The following SPATA16 variants were observed in gnomAD, a reference collection of about 807,000 sequenced individuals.
The protein encoded by SPATA16 is spermatogenesis-associated protein 16.
SPATA16 carries 36 observed loss-of-function variants against 63.3 expected under a neutral mutation model. The ratio of observed to expected loss-of-function variants is 0.57; its 90% CI spans 0.44 to 0.75. The LOEUF (loss-of-function observed/expected upper bound fraction) is 0.75. Ranked by LOEUF, SPATA16 falls within the 30% of genes least tolerant of loss-of-function variation. SPATA16 has a pLI of 0.00. For synonymous variants in SPATA16, 203 were observed against 216.7 expected (o/e 0.94, Z 0.56); for missense variants, 646 against 679.3 (o/e 0.95, Z 0.54).
At chr3:172,994,779 C>T (rs891808739) in intron 4 of SPATA16, among the ~76,000 whole-genome samples, 1 of 152,094 alleles carries the variant, frequency 6.6e-6, no homozygotes, top group East Asian at 1.9e-4. Flanking sequence ...ATATATTCCA[C>T]ATTAGTAAAT....
intron 3 of SPATA16, among the ~76,000 whole-genome samples, chr3:173,042,987 T>G (rs776413754): frequency 2.6e-5 from 4 of 152,104 alleles, no homozygotes; most frequent in Non-Finnish European, 5.9e-5. Context: ...ACAGCAAAAT[T>G]AAGCATTAAA....
At chr3:173,066,331 T>C (rs1244156245) in intron 2 of SPATA16, among the ~76,000 whole-genome samples, 1 of 152,188 alleles carries the variant, frequency 6.6e-6, no homozygotes, top group Non-Finnish European at 1.5e-5. Flanking sequence ...CAGTAGTGGT[T>C]GCAGGCCTTG....
Position 173,087,042 on chromosome 3 carries a change from G to A in SPATA16, c.612+30078C>T, listed in dbSNP as rs954205355. On this transcript the variant is annotated intron_variant, in intron 2 of 10. Transcript: ENST00000351008. ...GGAGATTTCTGTAGCTATCTGCCAGGTCCCCTTTATCCAGAGCTGAGTTCA... is the reference window on the plus strand; with the variant it reads ...GGAGATTTCTGTAGCTATCTGCCAGATCCCCTTTATCCAGAGCTGAGTTCA... Among the ~76,000 whole-genome samples the A allele has an allele frequency of 2.0e-5, 3 of 152,046 alleles. No individual in the cohort carries two copies. In the South Asian group the frequency reaches 6.2e-4, roughly 32 times the overall value.
At chr3:172,899,067 G>T (rs939283786) in intron 10 of SPATA16, among the ~76,000 whole-genome samples, 4 of 151,848 alleles carry the variant, frequency 2.6e-5, no homozygotes, top group Non-Finnish European at 5.9e-5. Flanking sequence ...TTAGAAATTT[G>T]TTTAAGTTTG....
intron 2 of SPATA16, among the ~76,000 whole-genome samples, chr3:173,060,965 A>T (rs1415801776): frequency 6.6e-6 from 1 of 152,164 alleles, no homozygotes; most frequent in Non-Finnish European, 1.5e-5. Context: ...ATCCAAGCCA[A>T]ATGATTGCTA....
chr3:173,090,328 G>A (rs1737192817), intron 2 of SPATA16, among the ~76,000 whole-genome samples: 1 of 152,068 alleles, frequency 6.6e-6, no homozygotes, highest in African/African-American at 2.4e-5. Flanking sequence ...ATAATTGTAA[G>A]CTTCCAGAGG....
intron 4 of SPATA16, among the ~76,000 whole-genome samples, chr3:172,978,279 C>G (rs916671318): frequency 5.9e-5 from 9 of 151,938 alleles, no homozygotes; most frequent in African/African-American, 1.9e-4. Flanking sequence ...TTTCAAAGCT[C>G]TTAATGATAA....
chr3:173,013,603 T>C (rs1182828617), intron 4 of SPATA16, among the ~76,000 whole-genome samples: 1 of 152,186 alleles, frequency 6.6e-6, no homozygotes, highest in Non-Finnish European at 1.5e-5. Flanking sequence ...TTAATCAAAT[T>C]GTAACAGGTT....
At chr3:172,976,887 A>G (rs1374586111) in intron 5 of SPATA16, 81 bp downstream of exon 5, 1 of 1,109,912 alleles carries the variant, frequency 9.0e-7, no homozygotes, top group East Asian at 2.4e-5. Context: ...CTTTTTCTTC[A>G]GTCTTTTAAG....
At chr3:172,927,183 G>A (rs949339070) in intron 6 of SPATA16, among the ~76,000 whole-genome samples, 1 of 152,004 alleles carries the variant, frequency 6.6e-6, no homozygotes, top group Admixed American at 6.6e-5. Flanking sequence ...TTTGAATCCT[G>A]GCACACTGAT....
At chr3:173,012,489 A>T (rs1228833227) in intron 4 of SPATA16, among the ~76,000 whole-genome samples, 1 of 152,218 alleles carries the variant, frequency 6.6e-6, no homozygotes, top group Non-Finnish European at 1.5e-5. Flanking sequence ...AAGCAAAAAG[A>T]ACAAAGCTGG....
chr3:172,931,448 A>G (rs1189375843), intron 6 of SPATA16, among the ~76,000 whole-genome samples: 3 of 151,922 alleles, frequency 2.0e-5, no homozygotes, highest in Non-Finnish European at 4.4e-5. Context: ...GGGTCTTGCT[A>G]TGTTGCTCAA....
intron 2 of SPATA16, among the ~76,000 whole-genome samples, chr3:173,083,490 ATTTAT>A (rs972603356): frequency 6.6e-6 from 1 of 152,098 alleles, no homozygotes; most frequent in African/African-American, 2.4e-5. Context: ...TAACTTTATT[ATTTAT>A]TTTATTTTAA....
At chr3:173,102,726 C>G (rs1737526368) in intron 2 of SPATA16, among the ~76,000 whole-genome samples, 1 of 152,166 alleles carries the variant, frequency 6.6e-6, no homozygotes, top group African/African-American at 2.4e-5. Context: ...CATTCCACCT[C>G]TGCCCCCACA....
chr3:173,006,039 A>G lies in SPATA16; in HGVS notation c.848+13447T>C, dbSNP rs140802783. On this transcript the variant is annotated intron_variant, in intron 4 of 10. Transcript: ENST00000351008. ...CTTCATCTATTTTCTCAAAATTACA[A>G]ATATAAGACTTCTACTACTTACCTA... is the stretch of plus-strand genomic sequence containing the variant. Among the ~76,000 whole-genome samples, 446 of 152,330 alleles carry G rather than the reference A, an allele frequency of 2.9e-3. 2 individuals carry two copies. The highest frequency in any genetic ancestry group is 0.01 in the African/African-American group (428 of 41,584).
At chr3:173,022,030 G>C (rs1369293063) in intron 3 of SPATA16, among the ~76,000 whole-genome samples, 1 of 152,006 alleles carries the variant, frequency 6.6e-6, no homozygotes, top group Non-Finnish European at 1.5e-5. Flanking sequence ...AGGAGGGGTA[G>C]TGAAGAAAGA....
chr3:172,973,096 G>A (rs1734083186), intron 5 of SPATA16, among the ~76,000 whole-genome samples: 1 of 152,088 alleles, frequency 6.6e-6, no homozygotes, highest in Non-Finnish European at 1.5e-5. Flanking sequence ...ATGAAATGTT[G>A]AAATTGATGC....
intron 1 of SPATA16, among the ~76,000 whole-genome samples, chr3:173,118,653 G>A (rs1014199195): frequency 3.3e-5 from 5 of 151,984 alleles, no homozygotes; most frequent in African/African-American, 1.2e-4. Context: ...ATAGGAACAG[G>A]GACCACATTT....
At chr3:172,952,352 A>G (rs1332623058) in intron 6 of SPATA16, among the ~76,000 whole-genome samples, 1 of 152,210 alleles carries the variant, frequency 6.6e-6, no homozygotes, top group Non-Finnish European at 1.5e-5. Context: ...TCAGTGGTCT[A>G]AAGAGAGATA....
Sources: allele counts gnomAD v4.1 joint callset (sites outside exome capture counted in the v4.1 genomes callset), GRCh38; gene constraint gnomAD v4.1.1; transcripts MANE v1.5; gene names NCBI Gene and HGNC (gene_info 2026-07-23, HGNC 2026-07-21).